SSU72: variants seen among roughly 807,000 people sequenced by gnomAD.
The protein encoded by SSU72 is SSU72 homolog, RNA polymerase II CTD phosphatase.
A neutral mutation model predicts 22.7 loss-of-function variants in SSU72; 12 were observed. That is an observed-to-expected ratio of 0.53 (90% confidence interval 0.34 to 0.86). The LOEUF is 0.86. SSU72 is among the 40% of genes least tolerant of loss of function. SSU72 has a pLI of 0.02. For missense variants in SSU72, 151 were observed against 249.8 expected (o/e 0.60, Z 2.67); for synonymous variants, 116 against 98.3 (o/e 1.18, Z -1.06).
chr1:1,567,034 C>T (rs1315779490), intron 1 of SSU72, among the ~76,000 whole-genome samples: 3 of 152,304 alleles, frequency 2.0e-5, no homozygotes, highest in Non-Finnish European at 2.9e-5. Context: ...ACCCGCCCTA[C>T]GGACATACAC....
chr1:1,553,990 G>C (rs1557498924), intron 2 of SSU72, among the ~76,000 whole-genome samples: 1 of 152,220 alleles, frequency 6.6e-6, no homozygotes, highest in Non-Finnish European at 1.5e-5. Flanking sequence ...GGGACCACCA[G>C]ACTACGTCAG....
At chr1:1,559,606 C>A (rs1016234691) in intron 2 of SSU72, among the ~76,000 whole-genome samples, 1 of 152,188 alleles carries the variant, frequency 6.6e-6, no homozygotes, top group Non-Finnish European at 1.5e-5. Context: ...ACTACCCTGG[C>A]TGGAGTCCAA....
At chr1:1,568,434 AAAAAAAAT>A (rs949367507) in intron 1 of SSU72, among the ~76,000 whole-genome samples, 5 of 152,012 alleles carry the variant, frequency 3.3e-5, no homozygotes, top group South Asian at 2.1e-4. Flanking sequence ...TCTACTTTAA[AAAAAAAAT>A]AAAAAAATAA....
At chr1:1,566,956 G>A (rs571001128) in intron 1 of SSU72, among the ~76,000 whole-genome samples, 274 of 152,260 alleles carry the variant, frequency 1.8e-3, no homozygotes, top group Middle Eastern at 3.4e-3. Flanking sequence ...GTCTCTATGC[G>A]GATAATGGGG....
At chr1:1,566,749 G>T (rs1284779675) in intron 1 of SSU72, among the ~76,000 whole-genome samples, 1 of 152,088 alleles carries the variant, frequency 6.6e-6, no homozygotes. Flanking sequence ...AGCTACTCGG[G>T]AGGCTGAGGC....
chr1:1,552,712 A>G (rs1391084411), intron 2 of SSU72, among the ~76,000 whole-genome samples: 1 of 151,928 alleles, frequency 6.6e-6, no homozygotes, highest in Non-Finnish European at 1.5e-5. Context: ...GGCTTAGTAG[A>G]CTCTCAGATA....
In SSU72 at chr1:1,564,510, T is replaced by C. The variant is rs750058432; in HGVS notation, c.224+263A>G. On this transcript the variant is annotated intron_variant, in intron 2 of 4. Transcript: ENST00000291386. ...ACCTAAGCATCCCTGGTCTACGCTA[T>C]GTCACGACCCTCTGCTGAACCACGT... 8 of 1,518,026 alleles carry C rather than the reference T, an allele frequency of 5.3e-6. No homozygotes were observed. In the East Asian group the frequency reaches 1.2e-4, roughly 23 times the overall value. The allele number at this position is 1,518,026 out of a possible 1,614,324, so 94.0% of individuals were successfully genotyped here.
chr1:1,560,290 G>A (rs887424647), intron 2 of SSU72, among the ~76,000 whole-genome samples: 2 of 152,038 alleles, frequency 1.3e-5, no homozygotes, highest in Admixed American at 1.3e-4. Flanking sequence ...TTCCCGAGTA[G>A]CTGTGCCACC....
intron 2 of SSU72, among the ~76,000 whole-genome samples, chr1:1,547,950 A>G (rs906445151): frequency 2.6e-5 from 4 of 152,242 alleles, no homozygotes; most frequent in African/African-American, 9.6e-5. Flanking sequence ...CCACAAAGAA[A>G]GAAACCAAAG....
rs751531502 is a variant in SSU72, at chr1:1,564,901, G to A, written c.96C>T (p.Ser32=). 17 of 1,603,546 alleles carry A rather than the reference G, an allele frequency of 1.1e-5. No homozygotes were observed. The Admixed American group carries it at 1.9e-4, about 18-fold the overall frequency. ...GAGTCCCTGTTCCAAAGGATCGGACGCTGAATCCCCGTTTGCTGAAAGACA... is the reference window on the plus strand; with the variant it reads ...GAGTCCCTGTTCCAAAGGATCGGACACTGAATCCCCGTTTGCTGAAAGACA... ...AHNILSKRGF[S]VRSFGTGTHV... is the part of the protein sequence containing the mutation. The change falls in exon 2 of 5, where the codon AGC becomes AGT. Residue 32 remains serine, a synonymous_variant. Transcript: ENST00000291386.
Position 1,574,560 on chromosome 1 carries a change from C to A in SSU72, c.-3G>T, listed in dbSNP as rs754780872. 6.3e-7 allele frequency: 1 copy of A among 1,584,122 alleles called. No homozygotes were observed. Among genetic ancestry groups the A allele is most frequent in the South Asian group, 1.1e-5 (1 of 87,644 alleles). Reference sequence around the variant, plus strand: ...ACCCGCAGCGGGGACGACGGCATGGCGGCGGCCGCAAATCCCGCGGCTCTC... The same window carrying A: ...ACCCGCAGCGGGGACGACGGCATGGAGGCGGCCGCAAATCCCGCGGCTCTC... On this transcript the variant is annotated 5_prime_UTR_variant, in exon 1 of 5. Coordinates refer to ENST00000291386, the MANE Select transcript of SSU72 (RefSeq NM_014188.3).
At chr1:1,564,516 G>A (rs1011103263) in intron 2 of SSU72, 8 of 1,524,544 alleles carry the variant, frequency 5.2e-6, no homozygotes, top group South Asian at 2.5e-5. Context: ...GCTATGTCAC[G>A]ACCCTCTGCT....
At chr1:1,546,893 G>A (rs12084237) in intron 2 of SSU72, among the ~76,000 whole-genome samples, 3,843 of 129,414 alleles carry the variant, frequency 0.03, 54 homozygotes, top group East Asian at 0.078. Flanking sequence ...AAGGCCGGGC[G>A]CGGTGGCTCA....
In SSU72 at chr1:1,542,314, A is replaced by C. The variant is rs1642332005; in HGVS notation, c.484-147T>G. Reference sequence around the variant, plus strand: ...CTCACCCCACCGCTGCTGCCTCACAAGGACGGCCGGAGGCTGCAGGGGGAG... The same window carrying C: ...CTCACCCCACCGCTGCTGCCTCACACGGACGGCCGGAGGCTGCAGGGGGAG... On this transcript the variant is annotated intron_variant, in intron 4 of 4. Transcript: ENST00000291386. The surrounding 1 kb of genome is among the most constrained non-coding windows in gnomAD (Gnocchi z 4.4). The C allele has an allele frequency of 1.3e-6, 1 of 742,920 alleles. No homozygotes were observed. Among genetic ancestry groups the C allele is most frequent in the African/African-American group, 1.8e-5 (1 of 56,770 alleles). 46.0% of individuals were successfully genotyped at this position (742,920 alleles called of 1,614,324 possible).
rs138978204 is a variant in SSU72 at position 1,560,245 on chromosome 1, C to T, written c.224+4528G>A. Among the ~76,000 whole-genome samples, 346 of 152,316 alleles carry T rather than the reference C, an allele frequency of 2.3e-3. 2 individuals are homozygous for T. The highest frequency in any genetic ancestry group is 7.6e-3 in the African/African-American group (317 of 41,578). Reference sequence around the variant, plus strand: ...TCTTCCTCAGGCTGGAGCACAATGGCGCAATCACAGCTCAGTGAAGCCTCC... The same window carrying T: ...TCTTCCTCAGGCTGGAGCACAATGGTGCAATCACAGCTCAGTGAAGCCTCC... On this transcript the variant is annotated intron_variant, in intron 2 of 4. Transcript: ENST00000291386.
intron 1 of SSU72, among the ~76,000 whole-genome samples, chr1:1,569,696 G>A (rs930486801): frequency 6.6e-6 from 1 of 152,080 alleles, no homozygotes; most frequent in African/African-American, 2.4e-5. Flanking sequence ...TAATGATAGC[G>A]GGTCTCACTG....
chr1:1,551,836 C>T (rs763279777), intron 2 of SSU72, among the ~76,000 whole-genome samples: 1 of 152,266 alleles, frequency 6.6e-6, no homozygotes, highest in Non-Finnish European at 1.5e-5. Flanking sequence ...GTGCTCACCC[C>T]ATGCAGGCAG....
intron 1 of SSU72, among the ~76,000 whole-genome samples, chr1:1,565,646 C>T (rs1009845657): frequency 6.6e-6 from 1 of 152,282 alleles, no homozygotes; most frequent in Non-Finnish European, 1.5e-5. Context: ...CCATGGGAAC[C>T]GAGACCCAAC....
chr1:1,547,202 G>A (rs1008151125), intron 2 of SSU72, among the ~76,000 whole-genome samples: 1 of 152,154 alleles, frequency 6.6e-6, no homozygotes, highest in Non-Finnish European at 1.5e-5. Context: ...ACATCCCTGA[G>A]CAAGACACAG....
Sources: allele counts gnomAD v4.1 joint callset (sites outside exome capture counted in the v4.1 genomes callset), GRCh38; gene constraint gnomAD v4.1.1; non-coding constraint Gnocchi (gnomAD v3.1); transcripts MANE v1.5; gene names NCBI Gene and HGNC (gene_info 2026-07-23, HGNC 2026-07-21).